The following TANC1 variants were observed in gnomAD, a reference collection of about 807,000 sequenced individuals.
The protein encoded by TANC1 is tetratricopeptide repeat, ankyrin repeat and coiled-coil containing 1.
TANC1 carries 77 observed loss-of-function variants against 149.7 expected under a neutral mutation model. The ratio of observed to expected loss-of-function variants is 0.51; its 90% CI spans 0.43 to 0.62. The LOEUF is 0.62. Among genes scored for constraint, TANC1 ranks in the 20% least tolerant of loss-of-function variants. The pLI, the probability that TANC1 is intolerant of heterozygous loss-of-function variation, is 0.00. For synonymous variants in TANC1, 854 were observed against 925.0 expected (o/e 0.92, Z 1.39); for missense variants, 1,985 against 2,321.8 (o/e 0.85, Z 2.98).
intron 4 of TANC1, among the ~76,000 whole-genome samples, chr2:159,105,823 A>T (rs1168022713): frequency 6.6e-6 from 1 of 152,206 alleles, no homozygotes; most frequent in African/African-American, 2.4e-5. Flanking sequence ...AACATTGTAG[A>T]TGAATTATTA....
chr2:159,192,442 C>T (rs1463015770), intron 16 of TANC1, among the ~76,000 whole-genome samples: 3 of 152,098 alleles, frequency 2.0e-5, no homozygotes, highest in African/African-American at 4.8e-5. Flanking sequence ...AGCCACTGCA[C>T]CCAGCCACAA....
chr2:159,007,448 A>G (rs1463622150), intron 2 of TANC1, among the ~76,000 whole-genome samples: 1 of 152,148 alleles, frequency 6.6e-6, no homozygotes, highest in Non-Finnish European at 1.5e-5. Flanking sequence ...ACCTGGCCAT[A>G]TGCTGTGTTT....
At chr2:159,152,093 A>T (rs1253887233) in intron 7 of TANC1, among the ~76,000 whole-genome samples, 24 of 152,154 alleles carry the variant, frequency 1.6e-4, no homozygotes, top group Admixed American at 1.4e-3. Context: ...TGGTGGGCTG[A>T]GTTTTGTGTA....
intron 1 of TANC1, among the ~76,000 whole-genome samples, chr2:158,997,225 T>C (rs1403776348): frequency 1.3e-5 from 2 of 152,166 alleles, no homozygotes; most frequent in African/African-American, 4.8e-5. Context: ...GCTTTATATA[T>C]GTACAAGGGT....
chr2:159,232,338 T>C lies in TANC1; in HGVS notation c.*1326T>C, dbSNP rs1320320572. 6.6e-6 allele frequency: 1 copy of C among 152,642 alleles called. No homozygotes were observed. The highest frequency in any genetic ancestry group is 1.5e-5 in the Non-Finnish European group (1 of 68,020). The allele number at this position is 152,642 out of a possible 1,614,324, so 9.5% of individuals were successfully genotyped here. On this transcript the variant is annotated 3_prime_UTR_variant, in exon 27 of 27. Transcript: ENST00000263635. Reference sequence around the variant, plus strand: ...GTTTTATATGTTGGGATGTGAAATTTATTTTCTAAAATTGAGGAGAAGGAA... The same window carrying C: ...GTTTTATATGTTGGGATGTGAAATTCATTTTCTAAAATTGAGGAGAAGGAA...
intron 3 of TANC1, among the ~76,000 whole-genome samples, chr2:159,087,090 G>A (rs934671472): frequency 1.3e-5 from 2 of 151,948 alleles, no homozygotes; most frequent in African/African-American, 2.4e-5. Flanking sequence ...TTGCTTTAAG[G>A]GTCTCCAGAT....
intron 5 of TANC1, among the ~76,000 whole-genome samples, chr2:159,147,177 G>A (rs1367307467): frequency 6.6e-6 from 1 of 152,108 alleles, no homozygotes; most frequent in Non-Finnish European, 1.5e-5. Flanking sequence ...TGCCAAATGG[G>A]AGTCATTTCT....
At chr2:159,051,651 T>TTGTATGTG (rs1412892744) in intron 2 of TANC1, among the ~76,000 whole-genome samples, 13 of 142,968 alleles carry the variant, frequency 9.1e-5, no homozygotes, top group African/African-American at 2.1e-4. Flanking sequence ...GAAGTGGTGT[T>TTGTATGTG]TGTGTGTGTG....
intron 1 of TANC1, among the ~76,000 whole-genome samples, chr2:159,000,231 G>A (rs1052191873): frequency 2.0e-5 from 3 of 152,084 alleles, no homozygotes; most frequent in Admixed American, 1.3e-4. Context: ...CTGTGAAGAA[G>A]GTTGGCTTGG....
chr2:159,220,353 G>A (rs2059625597), intron 22 of TANC1, among the ~76,000 whole-genome samples: 1 of 151,860 alleles, frequency 6.6e-6, no homozygotes, highest in South Asian at 2.1e-4. Context: ...TGTTGCCCAG[G>A]CTGGAGTGCA....
chr2:159,191,952 T>C (rs529406464), intron 16 of TANC1, among the ~76,000 whole-genome samples: 84 of 152,182 alleles, frequency 5.5e-4, no homozygotes, highest in Middle Eastern at 3.4e-3. Context: ...AGTAAGCCAT[T>C]GAAAGAAACA....
Position 159,107,473 on chromosome 2 carries a change from T to C in TANC1, c.259+9639T>C, listed in dbSNP as rs73969438. Among the ~76,000 whole-genome samples the C allele has an allele frequency of 7.0e-3, 1,072 of 152,386 alleles. 8 individuals are homozygous for C. Among genetic ancestry groups the C allele is most frequent in the African/African-American group, 0.024 (1,009 of 41,588 alleles). Reference sequence around the variant, plus strand: ...TATCCCTGTTTTCCCCTAACAGTTTTGACTCTTACATTTAGTCCTGTGATC... The same window carrying C: ...TATCCCTGTTTTCCCCTAACAGTTTCGACTCTTACATTTAGTCCTGTGATC... On this transcript the variant is annotated intron_variant, in intron 4 of 26. Transcript: ENST00000263635.
Position 159,178,896 on chromosome 2 carries a change from A to C in TANC1, c.2243A>C (p.Gln748Pro), listed in dbSNP as rs370276640. ...LLQCNMKFMT[Q>P]SAFERALPIL... ...CAGTGCAACATGAAGTTCATGACCCAGTCCGCCTTTGAGAGGGCACTTCCG... is the reference window on the plus strand; with the variant it reads ...CAGTGCAACATGAAGTTCATGACCCCGTCCGCCTTTGAGAGGGCACTTCCG... The change falls in exon 14 of 27, where the codon CAG (glutamine) becomes CCG (proline). Residue 748 changes from glutamine (Q) to proline (P), a missense_variant. This residue lies in a region of TANC1 where 508 missense variants were observed against 714.2 expected (regional missense o/e 0.71). Transcript: ENST00000263635. 3.1e-6 allele frequency: 5 copies of C among 1,614,088 alleles called. No individual in the cohort carries two copies. The highest frequency in any genetic ancestry group is 4.2e-6 in the Non-Finnish European group (5 of 1,180,046).
At position 159,229,966 on chromosome 2, in the gene TANC1, C is replaced by T; in HGVS notation, c.4540C>T (p.Leu1514=). 1 of 1,614,076 alleles carries T rather than the reference C, an allele frequency of 6.2e-7. No individual in the cohort carries two copies. Among genetic ancestry groups the T allele is most frequent in the African/African-American group, 1.3e-5 (1 of 75,074 alleles). ...GAGCAGGGCAGGAATCGGCAAGTCC[C>T]TGAGAGAGCCTGTGGCCCAGCCAGG... ...PQSRAGIGKS[L]REPVAQPGLL... is the part of the protein sequence containing the mutation. The change falls in exon 27 of 27, where the codon CTG becomes TTG. Residue 1514 remains leucine (L), a synonymous_variant. Coordinates refer to ENST00000263635, the MANE Select transcript of TANC1 (RefSeq NM_033394.3).
intron 4 of TANC1, among the ~76,000 whole-genome samples, chr2:159,131,475 G>A (rs2050089022): frequency 6.6e-6 from 1 of 151,990 alleles, no homozygotes; most frequent in South Asian, 2.1e-4. Flanking sequence ...CTGTCACCGA[G>A]GCTCTGGCCC....
chr2:159,106,035 A>G (rs111898092), intron 4 of TANC1, among the ~76,000 whole-genome samples: 2 of 151,972 alleles, frequency 1.3e-5, no homozygotes, highest in Non-Finnish European at 2.9e-5. Context: ...TATGACGCAC[A>G]GAAGTTTTTC....
chr2:159,020,355 C>G (rs962642274), intron 2 of TANC1, among the ~76,000 whole-genome samples: 6 of 152,130 alleles, frequency 3.9e-5, no homozygotes, highest in African/African-American at 1.2e-4. Flanking sequence ...CTCAAGTAAT[C>G]CACCTGCCTT....
At chr2:159,175,415 A>G (rs1388325587) in intron 12 of TANC1, among the ~76,000 whole-genome samples, 1 of 152,192 alleles carries the variant, frequency 6.6e-6, no homozygotes, top group East Asian at 1.9e-4. Flanking sequence ...ATAAGAATGA[A>G]TGTGATGACT....
intron 2 of TANC1, among the ~76,000 whole-genome samples, chr2:159,022,705 T>G (rs1386059363): frequency 6.6e-6 from 1 of 152,110 alleles, no homozygotes; most frequent in Non-Finnish European, 1.5e-5. Flanking sequence ...ACCACTGCAC[T>G]CCAGCCTGGG....
Sources: gnomAD v4.1 joint callset for allele counts (sites outside exome capture counted in the v4.1 genomes callset) on GRCh38, gnomAD v4.1.1 for gene constraint, gnomAD v4.1.1 regional missense constraint, MANE v1.5 for transcripts, NCBI Gene and HGNC (gene_info 2026-07-23, HGNC 2026-07-21) for gene names.